Variants in SPTBN1 observed in about 807,000 individuals in gnomAD.
SPTBN1 encodes the protein spectrin beta chain, non-erythrocytic 1.
A neutral mutation model predicts 266.4 loss-of-function variants in SPTBN1; 32 were observed. That is an observed-to-expected ratio of 0.12 (90% CI 0.09 to 0.16). SPTBN1 has a LOEUF of 0.16. Ranked by LOEUF, SPTBN1 falls within the 10% of genes least tolerant of loss-of-function variation. The pLI is 1.00. For missense variants in SPTBN1, 2,296 were observed against 3,067.1 expected, an observed-to-expected ratio of 0.75 and a Z score of 5.94; for synonymous variants, 1,336 against 1,162.2, an observed-to-expected ratio of 1.15 and a Z score of -3.04.
intron 1 of SPTBN1, among the ~76,000 whole-genome samples, chr2:54,492,766 T>C (rs938330769): frequency 4.6e-5 from 7 of 152,262 alleles, no homozygotes; most frequent in African/African-American, 1.7e-4. Flanking sequence ...GGATTTCCTT[T>C]CATGTGGAAT....
chr2:54,586,447 A>G (rs1010816642), intron 2 of SPTBN1, among the ~76,000 whole-genome samples: 14 of 152,248 alleles, frequency 9.2e-5, no homozygotes, highest in South Asian at 4.1e-4. Flanking sequence ...TCATAATTCT[A>G]TAGTTTCAAG....
At chr2:54,529,219 G>A (rs573654094) in intron 2 of SPTBN1, 1 of 357,712 alleles carries the variant, frequency 2.8e-6, no homozygotes, top group Non-Finnish European at 5.4e-6. Context: ...AGTACTGATG[G>A]TCATCCAGTC....
At chr2:54,644,187 A>T in intron 19 of SPTBN1, 136 bp from the exon 20 acceptor site, 1 of 1,111,678 alleles carries the variant, frequency 9.0e-7, no homozygotes, top group Non-Finnish European at 1.3e-6. Context: ...ATTGAGCAGT[A>T]ACTTCATGTG....
intron 1 of SPTBN1, among the ~76,000 whole-genome samples, chr2:54,470,789 A>C (rs1050210447): frequency 1.3e-5 from 2 of 152,004 alleles, no homozygotes; most frequent in Non-Finnish European, 2.9e-5. Flanking sequence ...GCCTGGGCAG[A>C]GTAGAAAGAA....
Position 54,533,906 on chromosome 2 carries a change from A to T in SPTBN1, c.148+7340A>T, listed in dbSNP as rs935535870. 7.1e-4 allele frequency among the ~76,000 whole-genome samples: 44 copies of T among 62,184 alleles called. No individual in the cohort carries two copies. The highest frequency in any genetic ancestry group is 5.9e-4 in the Non-Finnish European group (17 of 28,924). 40.8% of individuals were successfully genotyped at this position (62,184 alleles called of 152,430 possible). ...CTCTCTCTCTGTCTCTCTCTCACAC[A>T]CACACACACACACACACACACGCAC... On this transcript the variant is annotated intron_variant, in intron 2 of 35. Coordinates refer to ENST00000356805, the MANE Select transcript of SPTBN1 (RefSeq NM_003128.3). This position sits in a 1 kb window ranked among gnomAD's most constrained non-coding sequence, Gnocchi z 4.2.
At chr2:54,621,333 G>T (rs1000503562) in intron 7 of SPTBN1, 67 bp from the exon 8 acceptor site, 7 of 1,204,464 alleles carry the variant, frequency 5.8e-6, no homozygotes, top group South Asian at 5.2e-5. Flanking sequence ...CGTTGCATTT[G>T]TTCCTGCTAC....
At position 54,571,576 on chromosome 2, in the gene SPTBN1, T is replaced by TACACACACACAC. The variant is rs67239523; in HGVS notation, c.149-27502_149-27491dup. On this transcript the variant is annotated intron_variant, in intron 2 of 35. Transcript: ENST00000356805. ...ACACACACACACACACACACACACA[T>TACACACACACAC]ACACACACACACACACACACACACA... Among the ~76,000 whole-genome samples the TACACACACACAC allele has an allele frequency of 4.0e-5, 4 of 100,744 alleles. No individual in the cohort carries two copies. In the East Asian group the frequency reaches 9.9e-4, roughly 25 times the overall value. The allele number at this position is 100,744 out of a possible 152,430, so 66.1% of individuals were successfully genotyped here.
Position 54,670,293 on chromosome 2 carries a change from C to A in SPTBN1, c.*1724C>A. 25 of 153,350 alleles carry A rather than the reference C, an allele frequency of 1.6e-4. No homozygotes were observed. The highest frequency in any genetic ancestry group is 3.0e-4 in the Non-Finnish European group (21 of 69,478). The allele number at this position is 153,350 out of a possible 1,614,324, so 9.5% of individuals were successfully genotyped here. ...TCAGCATAGAGTCGTGGGTTATTTACAAGTGACATACTTTTCCTGGGTTAT... is the reference window on the plus strand; with the variant it reads ...TCAGCATAGAGTCGTGGGTTATTTAAAAGTGACATACTTTTCCTGGGTTAT... On this transcript the variant is annotated 3_prime_UTR_variant, in exon 36 of 36. Transcript: ENST00000356805.
chr2:54,623,734 C>G, intron 10 of SPTBN1, 138 bp downstream of exon 10: 1 of 682,700 alleles, frequency 1.5e-6, no homozygotes, highest in South Asian at 2.1e-5. Flanking sequence ...GCAGCTGGTG[C>G]TCAGGTGTGG....
chr2:54,486,278 A>AG (rs1201601403), intron 1 of SPTBN1, among the ~76,000 whole-genome samples: 1 of 152,232 alleles, frequency 6.6e-6, no homozygotes, highest in African/African-American at 2.4e-5. Context: ...TGGAATAGAA[A>AG]GGGGGGAAAG....
intron 2 of SPTBN1, among the ~76,000 whole-genome samples, chr2:54,535,791 C>T (rs1290896869): frequency 2.6e-5 from 4 of 152,220 alleles, no homozygotes; most frequent in Non-Finnish European, 4.4e-5. Context: ...GCAAGTGGAT[C>T]ACCTGAGATC....
rs753318528 is a variant in SPTBN1 at position 54,622,316 on chromosome 2, T to C, written c.893T>C (p.Ile298Thr). ...KRIGKVLDNA[I>T]ETEKMIEKYE... ...TGTTGCCAGGTGCTTGACAATGCTA[T>C]TGAAACAGAAAAAATGATTGAAAAG... The change falls in exon 9 of 36, where the codon ATT becomes ACT. Residue 298 changes from isoleucine to threonine, a missense_variant. Coordinates refer to ENST00000356805, the MANE Select transcript of SPTBN1 (RefSeq NM_003128.3). 6.8e-6 allele frequency: 11 copies of C among 1,614,124 alleles called. No individual in the cohort carries two copies. Among genetic ancestry groups the C allele is most frequent in the Non-Finnish European group, 9.3e-6 (11 of 1,179,990 alleles).
intron 1 of SPTBN1, among the ~76,000 whole-genome samples, chr2:54,498,642 A>G (rs911708652): frequency 6.6e-6 from 1 of 152,256 alleles, no homozygotes; most frequent in Non-Finnish European, 1.5e-5. Context: ...AACTATATAT[A>G]CATCCCTAAA....
At chr2:54,590,432 C>T (rs1321570573) in intron 2 of SPTBN1, among the ~76,000 whole-genome samples, 4 of 152,208 alleles carry the variant, frequency 2.6e-5, no homozygotes, top group Admixed American at 2.6e-4. Context: ...GTTTATTGTG[C>T]ACCTCCTTTA....
At chr2:54,565,254 A>C (rs1673588722) in intron 2 of SPTBN1, among the ~76,000 whole-genome samples, 1 of 152,240 alleles carries the variant, frequency 6.6e-6, no homozygotes, top group African/African-American at 2.4e-5. Flanking sequence ...CAGACTCTTT[A>C]AGTTGCTCCC....
chr2:54,608,172 T>TG (rs754562642), intron 3 of SPTBN1, among the ~76,000 whole-genome samples: 5 of 152,190 alleles, frequency 3.3e-5, no homozygotes, highest in Non-Finnish European at 7.3e-5. Flanking sequence ...CATAACTCTG[T>TG]GCTCAGAACT....
intron 1 of SPTBN1, among the ~76,000 whole-genome samples, chr2:54,525,099 C>G (rs139970899): frequency 6.6e-6 from 1 of 152,274 alleles, no homozygotes; most frequent in Non-Finnish European, 1.5e-5. Context: ...AGTAAGTCTT[C>G]ATTGTATTTT....
chr2:54,644,688 A>C (rs1679805486), intron 20 of SPTBN1, 102 bp downstream of exon 20: 14 of 1,452,820 alleles, frequency 9.6e-6, no homozygotes, highest in Admixed American at 2.4e-5. Flanking sequence ...TCCACCTTCC[A>C]TGGGAAGGCA....
intron 29 of SPTBN1, among the ~76,000 whole-genome samples, chr2:54,656,566 C>T (rs2104177312): frequency 6.6e-6 from 1 of 152,246 alleles, no homozygotes; most frequent in East Asian, 1.9e-4. Flanking sequence ...TTAGGAATAG[C>T]ATTTCATAAT....
Sources: gnomAD v4.1 joint callset for allele counts (sites outside exome capture counted in the v4.1 genomes callset) on GRCh38, gnomAD v4.1.1 for gene constraint, Gnocchi (gnomAD v3.1) non-coding constraint, MANE v1.5 for transcripts, NCBI Gene and HGNC (gene_info 2026-07-23, HGNC 2026-07-21) for gene names.